The following LY86 variants were observed in gnomAD, a reference collection of about 807,000 sequenced individuals.
LY86 encodes MD-1, RP105-associated.
In LY86, 20 loss-of-function variants were observed where a neutral mutation model predicts 17.3. The ratio of observed to expected loss-of-function variants is 1.15; its 90% CI spans 0.81 to 1.68. The LOEUF (loss-of-function observed/expected upper bound fraction) is 1.68, where lower values mean the gene tolerates loss of function less well. Among genes scored for constraint, LY86 ranks in the 40% most tolerant of loss-of-function variants. The pLI is 0.00. For missense variants in LY86, 200 were observed against 191.9 expected (o/e 1.04, Z -0.25); for synonymous variants, 74 against 70.6 (o/e 1.05, Z -0.24).
intron 3 of LY86, among the ~76,000 whole-genome samples, chr6:6,639,290 G>C (rs1220921981): frequency 1.3e-5 from 2 of 151,672 alleles, no homozygotes; most frequent in Non-Finnish European, 3.0e-5. Context: ...TCCGTGTCAT[G>C]GTTCTGAAGG....
intron 1 of LY86, among the ~76,000 whole-genome samples, chr6:6,622,085 T>C (rs1761693787): frequency 6.6e-6 from 1 of 152,198 alleles, no homozygotes. Context: ...ACCAAACCCT[T>C]AAGCGCTTTT....
chr6:6,652,264 C>T (rs899642289), intron 4 of LY86, among the ~76,000 whole-genome samples: 1 of 152,058 alleles, frequency 6.6e-6, no homozygotes, highest in African/African-American at 2.4e-5. Flanking sequence ...CTCCCTACAC[C>T]GGCTGCAGGT....
intron 1 of LY86, among the ~76,000 whole-genome samples, chr6:6,603,051 C>T (rs998504926): frequency 3.9e-5 from 6 of 152,026 alleles, no homozygotes; most frequent in Non-Finnish European, 4.4e-5. Flanking sequence ...GTCTAGGGAG[C>T]GCTCACTCTC....
At chr6:6,617,448 G>C (rs941573237) in intron 1 of LY86, among the ~76,000 whole-genome samples, 8 of 152,206 alleles carry the variant, frequency 5.3e-5, no homozygotes, top group African/African-American at 1.4e-4. Flanking sequence ...ATGATAATGA[G>C]ACTATAATGT....
chr6:6,592,950 A>G (rs929177552), intron 1 of LY86, among the ~76,000 whole-genome samples: 1 of 152,220 alleles, frequency 6.6e-6, no homozygotes, highest in Non-Finnish European at 1.5e-5. Flanking sequence ...GCAGCATGAG[A>G]GGTAAGAGCT....
At chr6:6,612,006 T>TGAGTACTGAGCACTAA (rs1761357857) in intron 1 of LY86, among the ~76,000 whole-genome samples, 1 of 152,000 alleles carries the variant, frequency 6.6e-6, no homozygotes, top group African/African-American at 2.4e-5. Context: ...CTGAACACTA[T>TGAGTACTGAGCACTAA]GAAAATAATC....
chr6:6,637,296 C>T, intron 3 of LY86, among the ~76,000 whole-genome samples: 1 of 152,104 alleles, frequency 6.6e-6, no homozygotes, highest in East Asian at 1.9e-4. Context: ...CAGGCGTGAG[C>T]CACCGCACCT....
intron 3 of LY86, among the ~76,000 whole-genome samples, chr6:6,649,148 C>T (rs1221599027): frequency 6.6e-6 from 1 of 152,222 alleles, no homozygotes; most frequent in East Asian, 1.9e-4. Flanking sequence ...TATACGGTGG[C>T]AGGCAAGAGG....
intron 1 of LY86, among the ~76,000 whole-genome samples, chr6:6,612,312 A>C (rs968119961): frequency 3.9e-5 from 6 of 152,208 alleles, no homozygotes; most frequent in African/African-American, 1.2e-4. Flanking sequence ...TGCTAACTTC[A>C]GGCGTGAAAC....
At chr6:6,629,754 A>G (rs3827783) in intron 3 of LY86, among the ~76,000 whole-genome samples, 22,984 of 152,228 alleles carry the variant, frequency 0.15, 2,093 homozygotes, top group East Asian at 0.3. Flanking sequence ...CAAGCATCAC[A>G]TTGGATTCAA....
intron 1 of LY86, among the ~76,000 whole-genome samples, chr6:6,611,459 G>A (rs1761329650): frequency 6.6e-6 from 1 of 152,204 alleles, no homozygotes; most frequent in Non-Finnish European, 1.5e-5. Flanking sequence ...GCTCAGAACA[G>A]GACCTGCTGT....
chr6:6,614,526 G>A (rs1761500995), intron 1 of LY86, among the ~76,000 whole-genome samples: 1 of 151,920 alleles, frequency 6.6e-6, no homozygotes, highest in South Asian at 2.1e-4. Flanking sequence ...CCAGCCCCAC[G>A]CCGCCCACTC....
At chr6:6,605,417 G>A (rs575410386) in intron 1 of LY86, among the ~76,000 whole-genome samples, 20 of 152,338 alleles carry the variant, frequency 1.3e-4, no homozygotes, top group African/African-American at 4.8e-4. Context: ...GCAATGAACA[G>A]ACCTCCAAAG....
intron 3 of LY86, among the ~76,000 whole-genome samples, chr6:6,638,431 C>T (rs1343620658): frequency 1.3e-5 from 2 of 152,192 alleles, no homozygotes; most frequent in Non-Finnish European, 2.9e-5. Context: ...TCTAGAATTG[C>T]ACTGTCCAAT....
chr6:6,630,504 A>G (rs1761882646), intron 3 of LY86, among the ~76,000 whole-genome samples: 1 of 152,222 alleles, frequency 6.6e-6, no homozygotes, highest in Non-Finnish European at 1.5e-5. Context: ...GTTGATTGCC[A>G]TGCTTTCAAA....
chr6:6,643,853 C>T (rs1762073767), intron 3 of LY86, among the ~76,000 whole-genome samples: 1 of 152,216 alleles, frequency 6.6e-6, no homozygotes, highest in Non-Finnish European at 1.5e-5. Flanking sequence ...TTTTATTTGT[C>T]AATCATTTCT....
intron 3 of LY86, among the ~76,000 whole-genome samples, chr6:6,628,582 C>T (rs1170101418): frequency 6.6e-6 from 1 of 151,990 alleles, no homozygotes; most frequent in African/African-American, 2.4e-5. Flanking sequence ...CTGAAGCTTC[C>T]TCTAGCCCCA....
chr6:6,625,093 C>T (rs1761762580), intron 2 of LY86, 81 bp downstream of exon 2: 1 of 615,468 alleles, frequency 1.6e-6, no homozygotes, highest in Admixed American at 3.3e-5. Flanking sequence ...CTTATGTTAA[C>T]TGTAATGACT....
chr6:6,629,570 G>T lies in LY86; in HGVS notation c.352+3149G>T, dbSNP rs377339589. 1.6e-4 allele frequency among the ~76,000 whole-genome samples: 25 copies of T among 152,364 alleles called. 1 individual carries two copies. The East Asian group carries it at 3.5e-3, about 21-fold the overall frequency. On this transcript the variant is annotated intron_variant, in intron 3 of 4. Transcript: ENST00000230568. ...TCCACTGTGGGTGGCACATTGTGGT[G>T]TCACTGGCAGTTGAGCTGTTTGGTA...
Sources: gnomAD v4.1 joint callset for allele counts (sites outside exome capture counted in the v4.1 genomes callset) on GRCh38, gnomAD v4.1.1 for gene constraint, MANE v1.5 for transcripts, NCBI Gene and HGNC (gene_info 2026-07-23, HGNC 2026-07-21) for gene names.